Variants in SBF2 observed in about 807,000 individuals in gnomAD.
SBF2 encodes SET binding factor 2.
Under a neutral mutation model 225.2 loss-of-function variants are expected in SBF2, and 112 were observed. That is an observed-to-expected ratio of 0.50 (90% CI 0.43 to 0.58). The LOEUF is 0.58. Among genes scored for constraint, SBF2 ranks in the 20% least tolerant of loss-of-function variants. The pLI is 0.00. For synonymous variants in SBF2, 763 were observed against 773.3 expected (o/e 0.99, Z 0.22); for missense variants, 1,996 against 2,206.2 (o/e 0.90, Z 1.91).
chr11:9,827,906 T>C (rs2133929212), intron 28 of SBF2, among the ~76,000 whole-genome samples: 1 of 152,350 alleles, frequency 6.6e-6, no homozygotes, highest in African/African-American at 2.4e-5. Context: ...CTCCCAAACT[T>C]ATCAATATAT....
At chr11:10,148,228 C>T (rs1954977381) in intron 2 of SBF2, among the ~76,000 whole-genome samples, 1 of 152,032 alleles carries the variant, frequency 6.6e-6, no homozygotes, top group South Asian at 2.1e-4. Context: ...AGGAGTATCG[C>T]AGTAGAGAGA....
intron 16 of SBF2, among the ~76,000 whole-genome samples, chr11:9,910,125 A>T (rs1029679455): frequency 2.0e-5 from 3 of 152,218 alleles, no homozygotes; most frequent in Non-Finnish European, 4.4e-5. Flanking sequence ...AAAAAGACTA[A>T]TAAATTCAAC....
intron 7 of SBF2, among the ~76,000 whole-genome samples, chr11:10,001,843 G>C (rs140444899): frequency 6.6e-6 from 1 of 152,046 alleles, no homozygotes; most frequent in Non-Finnish European, 1.5e-5. Context: ...TTTTTTTAAA[G>C]AAATTCTGGA....
chr11:9,827,041 T>C (rs1855112596), intron 28 of SBF2, among the ~76,000 whole-genome samples: 1 of 152,202 alleles, frequency 6.6e-6, no homozygotes, highest in Non-Finnish European at 1.5e-5. Context: ...TTTCACCATG[T>C]TGGCCAGGCT....
chr11:9,895,826 G>A, intron 17 of SBF2, 117 bp downstream of exon 17: 1 of 776,200 alleles, frequency 1.3e-6, no homozygotes. Context: ...TATAACCGCA[G>A]ATATATCTTA....
intron 16 of SBF2, chr11:9,958,361 T>TC (rs1565058429): frequency 1.3e-5 from 2 of 148,466 alleles, no homozygotes; most frequent in African/African-American, 4.9e-5. Flanking sequence ...TCCTTTCTTT[T>TC]TTTTTTTTTT....
intron 16 of SBF2, among the ~76,000 whole-genome samples, chr11:9,897,902 GCTTTC>G (rs779989098): frequency 5.9e-5 from 9 of 152,194 alleles, no homozygotes; most frequent in Non-Finnish European, 1.0e-4. Flanking sequence ...TTTTGTACTT[GCTTTC>G]CTTTAATTTT....
At chr11:9,789,480 T>A in intron 34 of SBF2, 138 bp from the exon 35 acceptor site, 1 of 639,748 alleles carries the variant, frequency 1.6e-6, no homozygotes. Context: ...TTCTAAATAT[T>A]TAAAAATCAT....
intron 17 of SBF2, among the ~76,000 whole-genome samples, chr11:9,864,680 C>A (rs1396151431): frequency 1.3e-5 from 2 of 152,062 alleles, no homozygotes; most frequent in Non-Finnish European, 2.9e-5. Flanking sequence ...AGCCACCAGG[C>A]CCAGTTGAAC....
chr11:9,940,422 A>G (rs569602810), intron 16 of SBF2, among the ~76,000 whole-genome samples: 1 of 151,520 alleles, frequency 6.6e-6, no homozygotes, highest in East Asian at 1.9e-4. Context: ...AATTTTTTTT[A>G]AAGTACATAC....
intron 2 of SBF2, among the ~76,000 whole-genome samples, chr11:10,165,913 C>A (rs1351465492): frequency 6.6e-6 from 1 of 152,126 alleles, no homozygotes; most frequent in African/African-American, 2.4e-5. Context: ...AGTAACTGTA[C>A]TTTTAGCATA....
intron 2 of SBF2, chr11:10,149,255 T>C (rs761980361): frequency 2.6e-5 from 4 of 152,262 alleles, no homozygotes; most frequent in Non-Finnish European, 4.4e-5. Context: ...CTGACCATTA[T>C]ATCAATGTGT....
intron 3 of SBF2, among the ~76,000 whole-genome samples, chr11:10,039,487 C>T (rs1002239793): frequency 6.6e-6 from 1 of 151,806 alleles, no homozygotes; most frequent in Admixed American, 6.6e-5. Context: ...ATCCGGAATT[C>T]TCACAACCTA....
At chr11:10,043,798 T>G (rs1484295163) in intron 2 of SBF2, among the ~76,000 whole-genome samples, 1 of 152,130 alleles carries the variant, frequency 6.6e-6, no homozygotes, top group African/African-American at 2.4e-5. Context: ...GGTCTCGAAC[T>G]CCTGGGCTCA....
intron 13 of SBF2, among the ~76,000 whole-genome samples, chr11:9,981,873 T>A (rs1946972633): frequency 6.6e-6 from 1 of 152,190 alleles, no homozygotes; most frequent in Non-Finnish European, 1.5e-5. Flanking sequence ...CTAATCGTAA[T>A]GAAAAAAAAT....
At chr11:9,814,752 T>A (rs11601110) in intron 29 of SBF2, among the ~76,000 whole-genome samples, 24 of 152,008 alleles carry the variant, frequency 1.6e-4, no homozygotes, top group Non-Finnish European at 5.9e-5. Context: ...TCAGGAAAGG[T>A]AGATTCCTAT....
At chr11:10,075,225 T>C (rs1453466464) in intron 2 of SBF2, among the ~76,000 whole-genome samples, 1 of 152,222 alleles carries the variant, frequency 6.6e-6, no homozygotes, top group Non-Finnish European at 1.5e-5. Context: ...TAAACCTCAG[T>C]TTTCCTTGAA....
intron 3 of SBF2, among the ~76,000 whole-genome samples, chr11:10,036,460 T>G (rs1292257408): frequency 2.0e-5 from 3 of 152,212 alleles, no homozygotes; most frequent in Admixed American, 2.0e-4. Flanking sequence ...TGCAATAGTA[T>G]TCTGCGGGAC....
At chr11:10,050,102 T>C (rs560275387) in intron 2 of SBF2, among the ~76,000 whole-genome samples, 19 of 152,326 alleles carry the variant, frequency 1.2e-4, no homozygotes, top group African/African-American at 4.3e-4. Context: ...TTCATATCAT[T>C]AGCTAATCAC....
Sources: gnomAD v4.1 joint callset for allele counts (sites outside exome capture counted in the v4.1 genomes callset) on GRCh38, gnomAD v4.1.1 for gene constraint, MANE v1.5 for transcripts, NCBI Gene and HGNC (gene_info 2026-07-23, HGNC 2026-07-21) for gene names.